CAPN1: variants seen among roughly 807,000 people sequenced by gnomAD.
CAPN1 encodes calpain-1 catalytic subunit.
A neutral mutation model predicts 105.2 loss-of-function variants in CAPN1; 77 were observed. That is an observed-to-expected ratio of 0.73 (90% CI 0.61 to 0.88). CAPN1 has a LOEUF of 0.88. CAPN1 is among the 40% of genes least tolerant of loss of function. The pLI is 0.00. For synonymous variants in CAPN1, 355 were observed against 388.8 expected, an observed-to-expected ratio of 0.91 and a Z score of 1.02; for missense variants, 833 against 976.6, an observed-to-expected ratio of 0.85 and a Z score of 1.96.
chr11:65,193,961 GATTT>G (rs1948756255), intron 10 of CAPN1, among the ~76,000 whole-genome samples: 3 of 100,754 alleles, frequency 3.0e-5, no homozygotes, highest in Non-Finnish European at 6.1e-5. Flanking sequence ...TCTTTGGATT[GATTT>G]TTTTTTTTTT....
chr11:65,207,451 C>A (rs1357046344), intron 14 of CAPN1, among the ~76,000 whole-genome samples: 1 of 151,560 alleles, frequency 6.6e-6, no homozygotes, highest in Admixed American at 6.6e-5. Context: ...CCACCCACCT[C>A]GGCCTCACAA....
rs1948647475 is a variant in CAPN1 at position 65,187,250 on chromosome 11, C to A, written c.795C>A (p.Phe265Leu). ...SSVLDMEAIT[F>L]KKLVKGHAYS... The stretch of plus-strand genomic sequence containing the variant: ...TTCTAGACATGGAGGCCATCACTTT[C>A]AAGAAGTTGGTGAAGGGCCATGCCT... Residue 265 changes from phenylalanine (F) to leucine (L), a missense_variant, in exon 7 of 22, where the codon TTC (phenylalanine) becomes TTA (leucine). By Grantham distance (22) the Phe-to-Leu change is conservative. Coordinates refer to ENST00000279247, the MANE Select transcript of CAPN1 (RefSeq NM_005186.4). 1.2e-6 allele frequency: 2 copies of A among 1,613,292 alleles called. No individual in the cohort carries two copies. Among genetic ancestry groups the A allele is most frequent in the Non-Finnish European group, 1.7e-6 (2 of 1,179,648 alleles).
In CAPN1 at chr11:65,204,735, C is replaced by A. The variant is rs748162203; in HGVS notation, c.1218C>A (p.Asp406Glu). 1.2e-6 allele frequency: 2 copies of A among 1,613,180 alleles called. No homozygotes were observed. The highest frequency in any genetic ancestry group is 4.5e-5 in the East Asian group (2 of 44,878). The change falls in exon 11 of 22, where the codon GAC (aspartate) becomes GAA (glutamate). Residue 406 changes from aspartate (D) to glutamate (E), a missense_variant. Physicochemically the swap from Asp to Glu is conservative, Grantham distance 45. Transcript: ENST00000279247. Reference sequence around the variant, plus strand: ...AGATCCGGCTGGATGAGACGGATGACCCGGACGACTACGGGGACCGCGAGT... The same window carrying A: ...AGATCCGGCTGGATGAGACGGATGAACCGGACGACTACGGGGACCGCGAGT... Reference protein sequence around the residue: ...QFKIRLDETDDPDDYGDRESG... With the variant: ...QFKIRLDETDEPDDYGDRESG...
intron 10 of CAPN1, among the ~76,000 whole-genome samples, chr11:65,204,000 A>G (rs1312759048): frequency 2.0e-5 from 3 of 152,130 alleles, no homozygotes; most frequent in Non-Finnish European, 4.4e-5. Flanking sequence ...AAGGTTCTTT[A>G]GGCAGCAAAA....
At chr11:65,189,822 C>T (rs1948693832) in intron 10 of CAPN1, among the ~76,000 whole-genome samples, 1 of 152,200 alleles carries the variant, frequency 6.6e-6, no homozygotes, top group Non-Finnish European at 1.5e-5. Flanking sequence ...TAATCCCCAG[C>T]AATTCCACTA....
At chr11:65,193,869 A>T (rs1400768949) in intron 10 of CAPN1, among the ~76,000 whole-genome samples, 3 of 150,242 alleles carry the variant, frequency 2.0e-5, no homozygotes, top group African/African-American at 7.4e-5. Context: ...GGCTGGGATT[A>T]TACGTGTGTG....
chr11:65,208,365 G>C lies in CAPN1; in HGVS notation c.1729+103G>C. Reference sequence around the variant, plus strand: ...CTGAACCTCATCCCTTGGTCTGCATGAGTCGGGGAATCCTCCAGTTTTTCT... The same window carrying C: ...CTGAACCTCATCCCTTGGTCTGCATCAGTCGGGGAATCCTCCAGTTTTTCT... On this transcript the variant is annotated intron_variant, in intron 16 of 21. Coordinates refer to ENST00000279247, the MANE Select transcript of CAPN1 (RefSeq NM_005186.4). The surrounding 1 kb of genome is among the most constrained non-coding windows in gnomAD (Gnocchi z 4.1). 1 of 1,142,722 alleles carries C rather than the reference G, an allele frequency of 8.8e-7. No homozygotes were observed. The highest frequency in any genetic ancestry group is 1.3e-6 in the Non-Finnish European group (1 of 778,486). 70.8% of individuals were successfully genotyped at this position (1,142,722 alleles called of 1,614,324 possible).
At position 65,206,541 on chromosome 11, in the gene CAPN1, A is replaced by G. The variant is rs1948961991; in HGVS notation, c.1432A>G (p.Ile478Val). The G allele has an allele frequency of 1.9e-6, 3 of 1,613,450 alleles. No homozygotes were observed. The highest frequency in any genetic ancestry group is 1.1e-5 in the South Asian group (1 of 91,090). The change falls in exon 13 of 22, where the codon ATC becomes GTC. Residue 478 changes from isoleucine to valine, a missense_variant. Coordinates refer to ENST00000279247, the MANE Select transcript of CAPN1 (RefSeq NM_005186.4). ...NASRARSEQF[I>V]NLREVSTRFR... is the part of the protein sequence containing the mutation. ...GTCTCGGGCGCGCTCAGAGCAGTTC[A>G]TCAACCTGCGAGAGGTCAGCACCCG...
chr11:65,181,534 C>G (rs1409337852), upstream of CAPN1: 2 of 387,306 alleles, frequency 5.2e-6, no homozygotes, highest in Non-Finnish European at 1.0e-5. This position sits in a 1 kb window ranked among gnomAD's most constrained non-coding sequence, Gnocchi z 4.6. Context: ...CGCACAATCG[C>G]CCCGGAATGC....
At chr11:65,203,198 C>CTCTTTT (rs111923742) in intron 10 of CAPN1, among the ~76,000 whole-genome samples, 2 of 149,870 alleles carry the variant, frequency 1.3e-5, no homozygotes, top group African/African-American at 2.5e-5. Context: ...AACATTCTCT[C>CTCTTTT]TTTTTTTTTT....
intron 10 of CAPN1, among the ~76,000 whole-genome samples, chr11:65,200,268 A>G (rs978467612): frequency 6.6e-6 from 1 of 151,956 alleles, no homozygotes; most frequent in African/African-American, 2.4e-5. Context: ...TTTGAGCTCC[A>G]GGACTCATGC....
intron 10 of CAPN1, among the ~76,000 whole-genome samples, chr11:65,197,654 A>T (rs1948809962): frequency 6.6e-6 from 1 of 152,210 alleles, no homozygotes; most frequent in Non-Finnish European, 1.5e-5. Context: ...TGGGAGGCCC[A>T]GGTGGACGGA....
In CAPN1 at chr11:65,211,321, CCCT is replaced by C. The variant is rs1410226580; in HGVS notation, c.*40_*42del. On this transcript the variant is annotated 3_prime_UTR_variant, in exon 22 of 22. Coordinates refer to ENST00000279247, the MANE Select transcript of CAPN1 (RefSeq NM_005186.4). ...TCGGTCCCCCTTGCCGTGCTCCCCT[CCCT>C]CCTCGTCTGCCAAGCCTCGCCTCCT... 1.2e-6 allele frequency: 2 copies of C among 1,607,472 alleles called. No individual in the cohort carries two copies. Among genetic ancestry groups the C allele is most frequent in the Non-Finnish European group, 1.7e-6 (2 of 1,177,322 alleles).
Position 65,205,820 on chromosome 11 carries a change from A to G in CAPN1, c.1353+99A>G, listed in dbSNP as rs1342273683. On this transcript the variant is annotated intron_variant, in intron 12 of 21. Transcript: ENST00000279247. ...ACCCACCCTGGCCTGGAGAGCTAAG[A>G]AGTCACCTTGTTTCACTGCTTGAAA... 3.1e-5 allele frequency: 34 copies of G among 1,106,424 alleles called. No individual in the cohort carries two copies. In the Admixed American group the frequency reaches 6.0e-4, roughly 19 times the overall value. 68.5% of individuals were successfully genotyped at this position (1,106,424 alleles called of 1,614,324 possible). A position where few individuals can be genotyped will look rare whatever the true frequency, so the allele number is the denominator to read the frequency against.
intron 7 of CAPN1, chr11:65,187,532 G>C (rs1948652974): frequency 1.7e-6 from 1 of 575,310 alleles, no homozygotes; most frequent in Non-Finnish European, 3.1e-6. Flanking sequence ...AAGAGGACAG[G>C]CTTCATCTGG....
chr11:65,187,860 C>G (rs1459714032), intron 7 of CAPN1, 95 bp from the exon 8 acceptor site: 10 of 869,634 alleles, frequency 1.1e-5, no homozygotes, highest in African/African-American at 1.7e-5. Flanking sequence ...CCACTGCACT[C>G]CAGCCTGGGT....
At position 65,186,499 on chromosome 11, in the gene CAPN1, C is replaced by CA. The variant is rs577368766; in HGVS notation, c.759+162dup. Among the ~76,000 whole-genome samples the CA allele has an allele frequency of 2.2e-3, 332 of 152,202 alleles. 1 individual carries two copies. Among genetic ancestry groups the CA allele is most frequent in the African/African-American group, 7.0e-3 (292 of 41,494 alleles). ...TGCCTCATCCATCACTTCCACCCCC[C>CA]ATGCCTGGTGTCGCTCCTGTCCTCA... On this transcript the variant is annotated intron_variant, in intron 6 of 21. Coordinates refer to ENST00000279247, the MANE Select transcript of CAPN1 (RefSeq NM_005186.4).
chr11:65,196,599 C>T (rs1948795650), intron 10 of CAPN1, among the ~76,000 whole-genome samples: 1 of 152,040 alleles, frequency 6.6e-6, no homozygotes, highest in African/African-American at 2.4e-5. Flanking sequence ...ATTTAACTGC[C>T]TTTTCTAGTT....
At chr11:65,205,937 C>T in intron 12 of CAPN1, 1 of 584,668 alleles carries the variant, frequency 1.7e-6, no homozygotes, top group Non-Finnish European at 3.1e-6. Flanking sequence ...GATTTGAGCC[C>T]TGGTCCTCAG....
Sources: gnomAD v4.1 joint callset for allele counts (sites outside exome capture counted in the v4.1 genomes callset) on GRCh38, gnomAD v4.1.1 for gene constraint, Gnocchi (gnomAD v3.1) non-coding constraint, MANE v1.5 for transcripts, NCBI Gene and HGNC (gene_info 2026-07-23, HGNC 2026-07-21) for gene names.